The following RGS7BP variants were observed in gnomAD, a reference collection of about 807,000 sequenced individuals.
RGS7BP encodes regulator of G protein signaling 7 binding protein, also known as regulator of G protein signaling 7-binding protein.
Under a neutral mutation model 31.3 loss-of-function variants are expected in RGS7BP, and 9 were observed. The ratio of observed to expected loss-of-function variants is 0.29; its 90% CI spans 0.17 to 0.50. RGS7BP has a LOEUF of 0.50. Among genes scored for constraint, RGS7BP ranks in the 20% least tolerant of loss-of-function variants. The pLI, the probability that RGS7BP is intolerant of heterozygous loss-of-function variation, is 0.98. For synonymous variants in RGS7BP, 115 were observed against 120.1 expected, an observed-to-expected ratio of 0.96 and a Z score of 0.28; for missense variants, 274 against 322.0, an observed-to-expected ratio of 0.85 and a Z score of 1.14.
Position 64,609,225 on chromosome 5 carries a change from T to C in RGS7BP, c.747T>C (p.Phe249=), listed in dbSNP as rs1227843760. ...TGAGAAGACGGAAGAGAAGGTTCTT[T>C]GGGCTGTGTTGTCTCATCTCAAGCT... is the stretch of plus-strand genomic sequence containing the variant. ...PLVRRRKRRF[F]GLCCLISS Residue 249 remains phenylalanine (F), a synonymous_variant, in exon 6 of 6, where the codon TTT becomes TTC. Transcript: ENST00000334025. 6.2e-7 allele frequency: 1 copy of C among 1,609,902 alleles called. No individual in the cohort carries two copies.
At chr5:64,546,090 G>T (rs188888822) in intron 2 of RGS7BP, among the ~76,000 whole-genome samples, 1 of 152,112 alleles carries the variant, frequency 6.6e-6, no homozygotes, top group African/African-American at 2.4e-5. Flanking sequence ...GGAGGGCGAG[G>T]TTGCGGTGAG....
chr5:64,594,897 TC>T lies in RGS7BP; in HGVS notation c.611+43del, dbSNP rs765223163. 2.5e-6 allele frequency: 4 copies of T among 1,602,998 alleles called. No homozygotes were observed. In the African/African-American group the frequency reaches 5.4e-5, roughly 21 times the overall value. The stretch of plus-strand genomic sequence containing the variant: ...ACCCTGAATAGACTGCCAATCCTCC[TC>T]CCGTTAATGTTCTTAGGGGCCACAG... On this transcript the variant is annotated intron_variant, in intron 4 of 5. Transcript: ENST00000334025.
Position 64,609,194 on chromosome 5 carries a change from C to A in RGS7BP, c.716C>A (p.Pro239His). 1 of 1,611,490 alleles carries A rather than the reference C, an allele frequency of 6.2e-7. No homozygotes were observed. The highest frequency in any genetic ancestry group is 8.5e-7 in the Non-Finnish European group (1 of 1,177,934). ...DSSLLNLTPYPLVRRRKRRFF... is the reference protein window; with the variant it reads ...DSSLLNLTPYHLVRRRKRRFF... ...AGCCTTCTGAATCTAACTCCCTACC[C>A]CCTGGTGAGAAGACGGAAGAGAAGG... Residue 239 changes from proline (P) to histidine (H), a missense_variant, in exon 6 of 6, where the codon CCC (proline) becomes CAC (histidine). Coordinates refer to ENST00000334025, the MANE Select transcript of RGS7BP (RefSeq NM_001029875.3).
At chr5:64,574,208 T>G (rs1489604946) in intron 2 of RGS7BP, among the ~76,000 whole-genome samples, 2 of 152,054 alleles carry the variant, frequency 1.3e-5, no homozygotes, top group African/African-American at 4.8e-5. Flanking sequence ...AGCAGGTCCA[T>G]GAGGGAATAG....
intron 2 of RGS7BP, among the ~76,000 whole-genome samples, chr5:64,519,806 G>A (rs982672463): frequency 9.2e-5 from 14 of 152,148 alleles, no homozygotes; most frequent in African/African-American, 3.4e-4. Flanking sequence ...GTTTTTAAAG[G>A]CTGGTATGTT....
intron 2 of RGS7BP, among the ~76,000 whole-genome samples, chr5:64,511,309 C>A (rs1171787222): frequency 2.0e-5 from 3 of 152,340 alleles, no homozygotes; most frequent in Non-Finnish European, 4.4e-5. Flanking sequence ...CTTTCAAAGG[C>A]ATCAGATATC....
chr5:64,523,802 T>C, intron 2 of RGS7BP, among the ~76,000 whole-genome samples: 1 of 152,256 alleles, frequency 6.6e-6, no homozygotes, highest in East Asian at 1.9e-4. Context: ...GAAATTATCA[T>C]ATTTGTTAAT....
At chr5:64,566,984 A>G (rs1008797745) in intron 2 of RGS7BP, among the ~76,000 whole-genome samples, 18 of 149,320 alleles carry the variant, frequency 1.2e-4, no homozygotes, top group African/African-American at 4.5e-4. Flanking sequence ...TCAGTAGGGA[A>G]TTTCCCCTAC....
chr5:64,581,300 T>C (rs1481702331), intron 3 of RGS7BP, among the ~76,000 whole-genome samples: 1 of 152,234 alleles, frequency 6.6e-6, no homozygotes, highest in Non-Finnish European at 1.5e-5. Flanking sequence ...AAGTTTGCCA[T>C]TCCCCTCTTC....
At chr5:64,571,713 T>A (rs1227978840) in intron 2 of RGS7BP, among the ~76,000 whole-genome samples, 1 of 152,158 alleles carries the variant, frequency 6.6e-6, no homozygotes, top group Non-Finnish European at 1.5e-5. Context: ...AAAATCTGTA[T>A]TCATGTCATC....
At chr5:64,525,326 TA>T (rs904343320) in intron 2 of RGS7BP, among the ~76,000 whole-genome samples, 1 of 152,176 alleles carries the variant, frequency 6.6e-6, no homozygotes, top group Middle Eastern at 3.2e-3. Flanking sequence ...AAAGAACAGC[TA>T]TTGGGACTGT....
intron 2 of RGS7BP, among the ~76,000 whole-genome samples, chr5:64,537,757 T>C (rs1378397576): frequency 2.0e-5 from 3 of 152,220 alleles, no homozygotes; most frequent in African/African-American, 7.2e-5. Flanking sequence ...TTGACTTTCA[T>C]TGATGATCCA....
chr5:64,577,231 G>T (rs1742458046), intron 3 of RGS7BP, among the ~76,000 whole-genome samples: 2 of 152,142 alleles, frequency 1.3e-5, no homozygotes, highest in Non-Finnish European at 2.9e-5. Context: ...GAGGTCAGGA[G>T]ATTGAGACCA....
At chr5:64,580,520 A>G (rs1405173408) in intron 3 of RGS7BP, among the ~76,000 whole-genome samples, 1 of 152,022 alleles carries the variant, frequency 6.6e-6, no homozygotes, top group East Asian at 1.9e-4. Flanking sequence ...AGCAGGAGAA[A>G]GCATGGATCA....
At position 64,509,901 on chromosome 5, in the gene RGS7BP, A is replaced by G. The variant is rs75941575; in HGVS notation, c.332+2024A>G. Among the ~76,000 whole-genome samples the G allele has an allele frequency of 3.7e-3, 557 of 152,302 alleles. 1 individual carries two copies. Among genetic ancestry groups the G allele is most frequent in the African/African-American group, 0.013 (525 of 41,566 alleles). On this transcript the variant is annotated intron_variant, in intron 2 of 5. Coordinates refer to ENST00000334025, the MANE Select transcript of RGS7BP (RefSeq NM_001029875.3). ...CAATAATAATTAAATGCAATTTAAC[A>G]TTCGTTATAAAAAATGACAGCAATA...
intron 5 of RGS7BP, chr5:64,601,511 T>C (rs1188635676): frequency 6.2e-6 from 5 of 808,916 alleles, no homozygotes; most frequent in Non-Finnish European, 7.5e-6. Context: ...TGCCTTCATT[T>C]TCAGCCTTTT....
chr5:64,531,521 C>T (rs1345887900), intron 2 of RGS7BP, among the ~76,000 whole-genome samples: 5 of 152,082 alleles, frequency 3.3e-5, no homozygotes, highest in Non-Finnish European at 7.3e-5. Context: ...AGCTGCAGTC[C>T]GTGAAGAAGT....
chr5:64,519,193 G>T (rs1749046523), intron 2 of RGS7BP, among the ~76,000 whole-genome samples: 1 of 152,194 alleles, frequency 6.6e-6, no homozygotes, highest in African/African-American at 2.4e-5. Flanking sequence ...AGGGGTGCTG[G>T]ACTGGGAGAA....
chr5:64,549,789 G>T (rs1273072611), intron 2 of RGS7BP, among the ~76,000 whole-genome samples: 1 of 152,116 alleles, frequency 6.6e-6, no homozygotes, highest in Non-Finnish European at 1.5e-5. Context: ...GGTAGGCTGA[G>T]AATTTTCCAA....
Sources: gnomAD v4.1 joint callset for allele counts (sites outside exome capture counted in the v4.1 genomes callset) on GRCh38, gnomAD v4.1.1 for gene constraint, MANE v1.5 for transcripts, NCBI Gene and HGNC (gene_info 2026-07-23, HGNC 2026-07-21) for gene names.